The following PCDH9 variants were observed in gnomAD, a reference collection of about 807,000 sequenced individuals.
The protein encoded by PCDH9 is protocadherin-9.
In PCDH9, 24 loss-of-function variants were observed where a neutral mutation model predicts 70.6. The ratio of observed to expected loss-of-function variants is 0.34; its 90% CI spans 0.25 to 0.48. The LOEUF is 0.48. Among genes scored for constraint, PCDH9 ranks in the 20% least tolerant of loss-of-function variants. The probability of loss-of-function intolerance (pLI) is 0.99; values close to 1 mark genes in which losing one functional copy is unlikely to be tolerated. For synonymous variants in PCDH9, 562 were observed against 558.5 expected (o/e 1.01, Z -0.09); for missense variants, 1,281 against 1,503.6 (o/e 0.85, Z 2.45).
At chr13:67,074,360 C>T (rs1302882062) in intron 2 of PCDH9, among the ~76,000 whole-genome samples, 1 of 152,026 alleles carries the variant, frequency 6.6e-6, no homozygotes, top group African/African-American at 2.4e-5. Flanking sequence ...GGAGTCTTCA[C>T]CAGACACTGA....
intron 4 of PCDH9, among the ~76,000 whole-genome samples, chr13:66,517,419 A>G (rs557878475): frequency 6.6e-6 from 1 of 152,248 alleles, no homozygotes; most frequent in South Asian, 2.1e-4. Flanking sequence ...AATACTTTTG[A>G]GGAATTTTGA....
At chr13:67,127,702 A>G (rs61959410) in intron 2 of PCDH9, among the ~76,000 whole-genome samples, 74 of 40,296 alleles carry the variant, frequency 1.8e-3, no homozygotes, top group African/African-American at 2.9e-3. Flanking sequence ...GTGTGTGTGT[A>G]TGTGTGTGTG....
chr13:66,428,492 A>T (rs1030544492), intron 4 of PCDH9, among the ~76,000 whole-genome samples: 4 of 151,748 alleles, frequency 2.6e-5, no homozygotes, highest in African/African-American at 7.2e-5. Context: ...CAGACATTAG[A>T]GCTGTCATCT....
intron 2 of PCDH9, among the ~76,000 whole-genome samples, chr13:67,163,493 G>A (rs573810212): frequency 1.1e-3 from 163 of 152,192 alleles, no homozygotes; most frequent in African/African-American, 3.8e-3. Flanking sequence ...ATTTCAGAGC[G>A]CATTTGGTAT....
At chr13:66,338,612 C>A (rs1033488736) in intron 4 of PCDH9, among the ~76,000 whole-genome samples, 13 of 150,852 alleles carry the variant, frequency 8.6e-5, no homozygotes, top group African/African-American at 2.4e-4. Context: ...CTCTTCTCAG[C>A]ATAATTTATT....
chr13:66,872,741 A>G (rs888720148), intron 3 of PCDH9, among the ~76,000 whole-genome samples: 8 of 152,158 alleles, frequency 5.3e-5, no homozygotes, highest in Non-Finnish European at 8.8e-5. Flanking sequence ...TCAACTTGCA[A>G]GTCTTTGAAA....
At chr13:66,944,817 CTGTG>C (rs67182136) in intron 2 of PCDH9, among the ~76,000 whole-genome samples, 179 of 135,448 alleles carry the variant, frequency 1.3e-3, no homozygotes, top group African/African-American at 4.0e-3. Context: ...CTAATCGTCT[CTGTG>C]TGTGTGTGTG....
chr13:67,194,495 C>T (rs1166965401), intron 2 of PCDH9, among the ~76,000 whole-genome samples: 1 of 151,930 alleles, frequency 6.6e-6, no homozygotes, highest in East Asian at 1.9e-4. Flanking sequence ...ATAAAACTAG[C>T]TTAATATTTG....
intron 4 of PCDH9, among the ~76,000 whole-genome samples, chr13:66,445,550 CATATATAATATATACGT>C (rs1566330880): frequency 3.0e-4 from 41 of 138,610 alleles, no homozygotes; most frequent in Non-Finnish European, 4.8e-4. Flanking sequence ...TATATATACA[CATATATAATATATACGT>C]GTATATATTA....
intron 2 of PCDH9, chr13:67,211,054 G>A (rs997485447): frequency 1.3e-5 from 2 of 151,762 alleles, no homozygotes; most frequent in East Asian, 1.9e-4. Context: ...CTGTTGCTTG[G>A]TTCTAAATTA....
intron 4 of PCDH9, among the ~76,000 whole-genome samples, chr13:66,601,557 T>C (rs2077165801): frequency 6.8e-6 from 1 of 146,498 alleles, no homozygotes; most frequent in Admixed American, 6.9e-5. Flanking sequence ...AGTAATTTCA[T>C]TGTACTAGTA....
intron 2 of PCDH9, among the ~76,000 whole-genome samples, chr13:66,929,039 A>C (rs1486009206): frequency 6.6e-6 from 1 of 152,118 alleles, no homozygotes; most frequent in Non-Finnish European, 1.5e-5. Flanking sequence ...TGTTACAGGA[A>C]AAAAATTATG....
intron 2 of PCDH9, among the ~76,000 whole-genome samples, chr13:66,917,863 A>G (rs1003980463): frequency 6.6e-6 from 1 of 151,350 alleles, no homozygotes; most frequent in Non-Finnish European, 1.5e-5. Context: ...AATCCCCTGA[A>G]GAGACATCCC....
At chr13:66,384,219 C>T (rs1182275757) in intron 4 of PCDH9, among the ~76,000 whole-genome samples, 4 of 152,030 alleles carry the variant, frequency 2.6e-5, no homozygotes, top group African/African-American at 9.7e-5. Flanking sequence ...AGGTTGAATA[C>T]ATCCAATTTT....
At position 66,785,422 on chromosome 13, in the gene PCDH9, CACTT is replaced by C. The variant is rs1039105865; in HGVS notation, c.3138+118078_3138+118081del. ...TCATCGTACCTTTACTCAAAAAGGT[CACTT>C]AATGATTTTTTTTTATTTTACTGAC... is the stretch of plus-strand genomic sequence containing the variant. On this transcript the variant is annotated intron_variant, in intron 3 of 4. Transcript: ENST00000377865. 1.1e-3 allele frequency among the ~76,000 whole-genome samples: 165 copies of C among 151,660 alleles called. 1 individual carries two copies. Among genetic ancestry groups the C allele is most frequent in the Admixed American group, 7.9e-4 (12 of 15,180 alleles).
At chr13:67,202,059 G>C (rs565576503) in intron 2 of PCDH9, 1 of 148,836 alleles carries the variant, frequency 6.7e-6, no homozygotes, top group African/African-American at 2.5e-5. Flanking sequence ...AAATTATCAA[G>C]TTTTTTTTTT....
intron 3 of PCDH9, among the ~76,000 whole-genome samples, chr13:66,751,111 C>G (rs981086781): frequency 6.6e-6 from 1 of 152,154 alleles, no homozygotes; most frequent in Non-Finnish European, 1.5e-5. Flanking sequence ...ACCACTTGCA[C>G]TCCCTCTTCA....
At chr13:67,188,787 A>AT (rs914325018) in intron 2 of PCDH9, among the ~76,000 whole-genome samples, 36 of 151,938 alleles carry the variant, frequency 2.4e-4, no homozygotes, top group African/African-American at 5.3e-4. Context: ...TAGATCTTTA[A>AT]TTTTTTTTAA....
At chr13:66,700,965 T>C (rs2078637541) in intron 3 of PCDH9, among the ~76,000 whole-genome samples, 1 of 123,722 alleles carries the variant, frequency 8.1e-6, no homozygotes, top group African/African-American at 3.2e-5. Flanking sequence ...TATATATATA[T>C]ATATACTTTT....
Sources: gnomAD v4.1 joint callset for allele counts (sites outside exome capture counted in the v4.1 genomes callset) on GRCh38, gnomAD v4.1.1 for gene constraint, MANE v1.5 for transcripts, NCBI Gene and HGNC (gene_info 2026-07-23, HGNC 2026-07-21) for gene names.